CACNA1C: variants seen among roughly 807,000 people sequenced by gnomAD.
CACNA1C encodes the protein calcium voltage-gated channel subunit alpha1 C, also known as voltage-dependent L-type calcium channel subunit alpha-1C.
In CACNA1C, 30 loss-of-function variants were observed where a neutral mutation model predicts 229.0. The observed-to-expected ratio is 0.13, with a 90% CI of 0.10 to 0.18. The LOEUF (loss-of-function observed/expected upper bound fraction) is 0.18. Ranked by LOEUF, CACNA1C falls within the 10% of genes least tolerant of loss-of-function variation. The pLI, the probability that CACNA1C is intolerant of heterozygous loss-of-function variation, is 1.00. For missense variants in CACNA1C, 1,658 were observed against 2,845.0 expected, an observed-to-expected ratio of 0.58 and a Z score of 9.49; for synonymous variants, 1,114 against 1,132.5, an observed-to-expected ratio of 0.98 and a Z score of 0.33.
intron 3 of CACNA1C, among the ~76,000 whole-genome samples, chr12:2,159,445 A>T (rs140341557): frequency 6.2e-4 from 94 of 152,254 alleles, no homozygotes; most frequent in African/African-American, 2.1e-3. Flanking sequence ...CAGTGAGTGC[A>T]GTGAGCTGTG....
intron 3 of CACNA1C, among the ~76,000 whole-genome samples, chr12:2,406,508 A>G (rs1364068090): frequency 6.6e-6 from 1 of 151,556 alleles, no homozygotes; most frequent in Admixed American, 6.6e-5. Context: ...AAGTTCATTG[A>G]TTCCTTCCTT....
chr12:2,238,027 C>A (rs1441857782), intron 3 of CACNA1C, among the ~76,000 whole-genome samples: 2 of 152,168 alleles, frequency 1.3e-5, no homozygotes, highest in East Asian at 3.8e-4. Context: ...TCTGTATGTT[C>A]TTTAAGGAGG....
At chr12:2,477,048 T>G (rs1471484080) in intron 5 of CACNA1C, among the ~76,000 whole-genome samples, 1 of 152,216 alleles carries the variant, frequency 6.6e-6, no homozygotes, top group African/African-American at 2.4e-5. Context: ...TCTAGACCTA[T>G]TTTCTTTTGA....
intron 1 of CACNA1C, chr12:2,004,669 C>G: frequency 1.8e-6 from 1 of 544,476 alleles, no homozygotes; most frequent in East Asian, 3.2e-5. Context: ...CAGGCCTGCC[C>G]TCTGCATCCC....
intron 32 of CACNA1C, among the ~76,000 whole-genome samples, chr12:2,652,272 G>T (rs928346501): frequency 1.3e-5 from 2 of 152,148 alleles, no homozygotes; most frequent in Non-Finnish European, 2.9e-5. Flanking sequence ...TCCTCCGCTC[G>T]GCTAGAGAGG....
intron 3 of CACNA1C, among the ~76,000 whole-genome samples, chr12:2,147,547 A>G (rs1172777852): frequency 6.6e-6 from 1 of 151,306 alleles, no homozygotes; most frequent in Non-Finnish European, 1.5e-5. Context: ...GATAATTTCC[A>G]TTAACTGCAT....
At chr12:2,412,351 G>A (rs1595594911) in intron 3 of CACNA1C, among the ~76,000 whole-genome samples, 1 of 152,246 alleles carries the variant, frequency 6.6e-6, no homozygotes, top group East Asian at 1.9e-4. Flanking sequence ...TTGTGGCTTT[G>A]TACTCCATTA....
At chr12:1,981,162 A>G (rs2036010862) in intron 1 of CACNA1C, among the ~76,000 whole-genome samples, 1 of 152,164 alleles carries the variant, frequency 6.6e-6, no homozygotes, top group African/African-American at 2.4e-5. Flanking sequence ...TTACCACTAC[A>G]CATATTAAAG....
chr12:2,615,662 G>C (rs113022915), intron 29 of CACNA1C, among the ~76,000 whole-genome samples: 55 of 152,320 alleles, frequency 3.6e-4, no homozygotes, highest in Admixed American at 1.5e-3. Flanking sequence ...GCCCCTTCGG[G>C]CAGCTCTGAG....
chr12:2,026,868 G>A lies in CACNA1C; in HGVS notation c.139+55667G>A, dbSNP rs117809891. 9.9e-5 allele frequency among the ~76,000 whole-genome samples: 15 copies of A among 152,250 alleles called. No individual in the cohort carries two copies. In the East Asian group the frequency reaches 2.9e-3, roughly 29 times the overall value. On this transcript the variant is annotated intron_variant, in intron 1 of 46. Coordinates refer to the CACNA1C transcript ENST00000682462. ...TGAAGTACTATTGGGGAAATTTTGA[G>A]GAGTACACAGTATACATTCTTGGAG...
chr12:2,372,888 G>A (rs573066376), intron 3 of CACNA1C, among the ~76,000 whole-genome samples: 63 of 152,376 alleles, frequency 4.1e-4, no homozygotes, highest in African/African-American at 1.4e-3. Flanking sequence ...CCAGGGGCTC[G>A]TTAGCAATGG....
chr12:2,059,873 T>A (rs1230911887), intron 1 of CACNA1C, among the ~76,000 whole-genome samples: 3 of 152,164 alleles, frequency 2.0e-5, no homozygotes, highest in Admixed American at 2.0e-4. Flanking sequence ...GCATTGTTAG[T>A]GCTTCTGGCT....
intron 3 of CACNA1C, among the ~76,000 whole-genome samples, chr12:2,124,596 G>A (rs553125692): frequency 5.9e-5 from 9 of 152,298 alleles, no homozygotes; most frequent in East Asian, 3.9e-4. Context: ...TGGCTCAGAC[G>A]GAGGCCTCAC....
intron 3 of CACNA1C, among the ~76,000 whole-genome samples, chr12:2,394,951 T>G (rs1282021766): frequency 6.6e-6 from 1 of 152,214 alleles, no homozygotes; most frequent in African/African-American, 2.4e-5. Context: ...CTTGTCTAAG[T>G]TTTTGTTTAT....
At chr12:2,419,868 T>C (rs1458786174) in intron 3 of CACNA1C, among the ~76,000 whole-genome samples, 8 of 152,098 alleles carry the variant, frequency 5.3e-5, no homozygotes, top group Non-Finnish European at 1.0e-4. Flanking sequence ...TGAGGCTGGA[T>C]GGGGGCTTCA....
chr12:2,361,633 G>A (rs1420710428), intron 3 of CACNA1C, among the ~76,000 whole-genome samples: 1 of 152,194 alleles, frequency 6.6e-6, no homozygotes, highest in African/African-American at 2.4e-5. Context: ...GAAAGCCTGG[G>A]ACAGGATGAC....
In CACNA1C at chr12:2,179,421, G is replaced by C. The variant is rs111238383; in HGVS notation, c.477+58991G>C. Among the ~76,000 whole-genome samples, 4 of 152,340 alleles carry C rather than the reference G, an allele frequency of 2.6e-5. 1 individual carries two copies. The highest frequency in any genetic ancestry group is 9.6e-5 in the African/African-American group (4 of 41,566). ...GAAAGGAAAACATACCAACCTGTTA[G>C]TGGAGTTAGCACCCTAGACCCATAG... On this transcript the variant is annotated intron_variant, in intron 3 of 46. Coordinates refer to ENST00000399655, the MANE Select transcript of CACNA1C (RefSeq NM_000719.7).
chr12:2,222,107 CTATT>C (rs1459408732), intron 3 of CACNA1C: 2 of 152,162 alleles, frequency 1.3e-5, no homozygotes, highest in South Asian at 2.1e-4. Context: ...ATTTCATTCT[CTATT>C]TATGATTCTT....
chr12:2,194,893 G>GT lies in CACNA1C; in HGVS notation c.477+74467dup, dbSNP rs1278285707. On this transcript the variant is annotated intron_variant, in intron 3 of 46. Coordinates refer to ENST00000399655, the MANE Select transcript of CACNA1C (RefSeq NM_000719.7). ...TTTCATCACTGTTGAAAATAGGAAT[G>GT]TTTTCTGATCTAAGGTCTTCTGAGG... 3.3e-5 allele frequency among the ~76,000 whole-genome samples: 5 copies of GT among 152,280 alleles called. No individual in the cohort carries two copies. The East Asian group carries it at 9.7e-4, about 29-fold the overall frequency.
Sources: gnomAD v4.1 joint callset for allele counts (sites outside exome capture counted in the v4.1 genomes callset) on GRCh38, gnomAD v4.1.1 for gene constraint, MANE v1.5 for transcripts, NCBI Gene and HGNC (gene_info 2026-07-23, HGNC 2026-07-21) for gene names.